The following HMGN1 variants were observed in gnomAD, a reference collection of about 807,000 sequenced individuals.
The protein encoded by HMGN1 is non-histone chromosomal protein HMG-14.
Under a neutral mutation model 18.4 loss-of-function variants are expected in HMGN1, and 9 were observed. That is an observed-to-expected ratio of 0.49 (90% CI 0.29 to 0.85). The LOEUF (loss-of-function observed/expected upper bound fraction) is 0.85. HMGN1 is among the 40% of genes least tolerant of loss of function. The probability of loss-of-function intolerance (pLI) is 0.07; values close to 1 mark genes in which losing one functional copy is unlikely to be tolerated. For missense variants in HMGN1, 151 were observed against 119.2 expected (o/e 1.27, Z -1.24); for synonymous variants, 59 against 45.0 (o/e 1.31, Z -1.24).
intron 4 of HMGN1, chr21:39,346,263 T>C (rs1307978215): frequency 9.4e-6 from 3 of 318,338 alleles, no homozygotes; most frequent in South Asian, 2.6e-5. Flanking sequence ...CAGGGTGTTC[T>C]GTACTAATAG....
At chr21:39,348,122 C>G (rs1292452668) in intron 4 of HMGN1, 170 bp downstream of exon 4, 2 of 933,888 alleles carry the variant, frequency 2.1e-6, no homozygotes, top group African/African-American at 1.7e-5. Context: ...GTTCTATAAA[C>G]CAGGATGAAT....
chr21:39,348,577 C>T lies in HMGN1; in HGVS notation c.16G>A (p.Val6Ile). Residue 6 changes from valine to isoleucine, a missense_variant and splice_region_variant, in exon 2 of 6, where the codon GTC becomes ATC. Transcript: ENST00000380749. ...TTGGCGGCGCCTTCGGCGGAGCTGA[C>T]CTGCGGAGACGGAGACGCACGAATA... MPKRK[V>I]SSAEGAAKEE... 6.2e-7 allele frequency: 1 copy of T among 1,604,376 alleles called. No individual in the cohort carries two copies. The highest frequency in any genetic ancestry group is 8.5e-7 in the Non-Finnish European group (1 of 1,176,006).
At chr21:39,346,948 T>TA (rs1305460891) in intron 4 of HMGN1, 1 of 152,156 alleles carries the variant, frequency 6.6e-6, no homozygotes, top group African/African-American at 2.4e-5. Context: ...CTGTTTTCAT[T>TA]AAAAAATTCA....
intron 4 of HMGN1, chr21:39,347,290 T>C: frequency 5.3e-6 from 5 of 936,422 alleles, no homozygotes; most frequent in Non-Finnish European, 6.8e-6. Context: ...AAAACAGAAC[T>C]TTCTGTTAAA....
Position 39,348,567 on chromosome 21 carries a change from G to A in HMGN1, c.26C>T (p.Ala9Val), listed in dbSNP as rs757590132. MPKRKVSS[A>V]EGAAKEEPKR... is the part of the protein sequence containing the mutation. ...CACCTCTTCCTTGGCGGCGCCTTCGGCGGAGCTGACCTGCGGAGACGGAGA... is the reference window on the plus strand; with the variant it reads ...CACCTCTTCCTTGGCGGCGCCTTCGACGGAGCTGACCTGCGGAGACGGAGA... Residue 9 changes from alanine (A) to valine (V), a missense_variant, in exon 2 of 6, where the codon GCC (alanine) becomes GTC (valine). By Grantham distance (64) the Ala-to-Val change is moderately conservative. Coordinates refer to ENST00000380749, the MANE Select transcript of HMGN1 (RefSeq NM_004965.7). The A allele has an allele frequency of 6.2e-7, 1 of 1,610,374 alleles. No individual in the cohort carries two copies.
Position 39,342,618 on chromosome 21 carries a change from C to G in HMGN1, c.*494G>C, listed in dbSNP as rs2036899501. On this transcript the variant is annotated 3_prime_UTR_variant, in exon 6 of 6. Coordinates refer to ENST00000380749, the MANE Select transcript of HMGN1 (RefSeq NM_004965.7). ...CACAGTAACAAAGTTATTAGGAAAA[C>G]AGGACTACCACAAAGATGTTACAGA... 1 of 289,922 alleles carries G rather than the reference C, an allele frequency of 3.4e-6. No homozygotes were observed. The highest frequency in any genetic ancestry group is 6.9e-6 in the Non-Finnish European group (1 of 145,956). The allele number at this position is 289,922 out of a possible 1,614,324, so 18.0% of individuals were successfully genotyped here.
At position 39,348,304 on chromosome 21, in the gene HMGN1, C is replaced by G. The variant is rs936565753; in HGVS notation, c.114G>C (p.Lys38Asn). ...PPAKVEAKPK[K>N]AAAKDKSSDK... Reference sequence around the variant, plus strand: ...TTTCGAGGCTTACCTTCGCTGCTGCCTTTTTCGGCTTCGCTTCCACTTTTG... The same window carrying G: ...TTTCGAGGCTTACCTTCGCTGCTGCGTTTTTCGGCTTCGCTTCCACTTTTG... Residue 38 changes from lysine (K) to asparagine (N), a missense_variant, in exon 4 of 6, where the codon AAG becomes AAC. Coordinates refer to ENST00000380749, the MANE Select transcript of HMGN1 (RefSeq NM_004965.7). 3 of 1,614,050 alleles carry G rather than the reference C, an allele frequency of 1.9e-6. No individual in the cohort carries two copies. Among genetic ancestry groups the G allele is most frequent in the African/African-American group, 2.7e-5 (2 of 74,940 alleles).
At position 39,342,588 on chromosome 21, in the gene HMGN1, C is replaced by T; in HGVS notation, c.*524G>A. 3.2e-6 allele frequency: 1 copy of T among 311,662 alleles called. No homozygotes were observed. Among genetic ancestry groups the T allele is most frequent in the South Asian group, 2.5e-5 (1 of 39,340 alleles). The allele number at this position is 311,662 out of a possible 1,614,324, so 19.3% of individuals were successfully genotyped here. On this transcript the variant is annotated 3_prime_UTR_variant, in exon 6 of 6. Transcript: ENST00000380749. ...CTACATGTTCAAATCTGTAATCTTT[C>T]ACAGCACAGTAACAAAGTTATTAGG...
At chr21:39,347,332 C>T in intron 4 of HMGN1, 1 of 1,010,020 alleles carries the variant, frequency 9.9e-7, no homozygotes, top group Non-Finnish European at 1.3e-6. Context: ...ACACTCAGCT[C>T]TGTAAAAAAT....
chr21:39,344,005 A>G (rs1166996425), intron 5 of HMGN1, among the ~76,000 whole-genome samples: 1 of 152,222 alleles, frequency 6.6e-6, no homozygotes, highest in Non-Finnish European at 1.5e-5. Flanking sequence ...CTGTAATACC[A>G]GCACTTTGTG....
At chr21:39,343,645 T>A (rs1177516684) in intron 5 of HMGN1, among the ~76,000 whole-genome samples, 1 of 152,234 alleles carries the variant, frequency 6.6e-6, no homozygotes, top group Non-Finnish European at 1.5e-5. Context: ...ACAGTGCTAC[T>A]GGGTAGTGAG....
chr21:39,347,556 T>G, intron 4 of HMGN1: 4 of 522,648 alleles, frequency 7.7e-6, no homozygotes, highest in South Asian at 6.2e-5. Context: ...TCACCTAAGT[T>G]TTGGATAAAA....
chr21:39,347,366 CT>C, intron 4 of HMGN1: 1 of 1,095,912 alleles, frequency 9.1e-7, no homozygotes, highest in African/African-American at 1.7e-5. Flanking sequence ...GAAAAAACAT[CT>C]TTGTTTTATA....
Position 39,348,743 on chromosome 21 carries a change from C to A in HMGN1, c.15+160G>T, listed in dbSNP as rs551028702. 6.6e-4 allele frequency: 716 copies of A among 1,085,066 alleles called. 5 individuals are homozygous for A. The African/African-American group carries it at 0.011, about 17-fold the overall frequency. The allele number at this position is 1,085,066 out of a possible 1,614,324, so 67.2% of individuals were successfully genotyped here. On this transcript the variant is annotated intron_variant, in intron 1 of 5. Transcript: ENST00000380749. ...GCCGCCAAACGTTCCAGAACGCCCG[C>A]CCCCGCGGCCGCCGAGCGCTCGCCT...
intron 2 of HMGN1, 24 bp downstream of exon 2, chr21:39,348,521 C>T (rs779087890): frequency 1.9e-6 from 3 of 1,613,584 alleles, no homozygotes; most frequent in East Asian, 2.2e-5. Context: ...AACCCACCAC[C>T]CCCCGCAGAA....
intron 5 of HMGN1, among the ~76,000 whole-genome samples, chr21:39,343,389 T>G (rs1232640236): frequency 1.3e-5 from 2 of 152,200 alleles, no homozygotes; most frequent in Non-Finnish European, 2.9e-5. Flanking sequence ...TTGAGTTGCA[T>G]CACATGTACA....
At chr21:39,346,417 T>C (rs558942809) in intron 4 of HMGN1, 1 of 144,520 alleles carries the variant, frequency 6.9e-6, no homozygotes, top group African/African-American at 2.7e-5. Context: ...AGAACTACTC[T>C]TTTGTAGTCT....
At chr21:39,347,459 C>T (rs2037095524) in intron 4 of HMGN1, 1 of 1,297,228 alleles carries the variant, frequency 7.7e-7, no homozygotes, top group African/African-American at 1.5e-5. Flanking sequence ...CTTCTGATGA[C>T]TGCAGTGCTA....
chr21:39,343,963 A>T (rs1485190309), intron 5 of HMGN1, among the ~76,000 whole-genome samples: 2 of 152,220 alleles, frequency 1.3e-5, no homozygotes, highest in Non-Finnish European at 2.9e-5. Flanking sequence ...GGTTAGAATT[A>T]AGTAGTACAG....
Sources: gnomAD v4.1 joint callset for allele counts (sites outside exome capture counted in the v4.1 genomes callset) on GRCh38, gnomAD v4.1.1 for gene constraint, MANE v1.5 for transcripts, NCBI Gene and HGNC (gene_info 2026-07-23, HGNC 2026-07-21) for gene names.